The following OTUD7A variants were observed in gnomAD, a reference collection of about 807,000 sequenced individuals.
OTUD7A encodes the protein OTU domain-containing protein 7A.
Under a neutral mutation model 65.7 loss-of-function variants are expected in OTUD7A, and 12 were observed. The ratio of observed to expected loss-of-function variants is 0.18; its 90% confidence interval spans 0.12 to 0.30. The LOEUF is 0.30. OTUD7A is among the 10% of genes least tolerant of loss of function. OTUD7A has a pLI of 1.00. For missense variants in OTUD7A, 1,148 were observed against 1,304.8 expected (o/e 0.88, Z 1.85); for synonymous variants, 641 against 586.3 (o/e 1.09, Z -1.35).
chr15:31,614,250 G>T (rs530899054), intron 3 of OTUD7A, among the ~76,000 whole-genome samples: 42 of 151,952 alleles, frequency 2.8e-4, no homozygotes, highest in African/African-American at 8.0e-4. Flanking sequence ...CACCACTAAA[G>T]AACTTACTCA....
chr15:31,593,479 G>A (rs576897335), intron 3 of OTUD7A, among the ~76,000 whole-genome samples: 1 of 152,234 alleles, frequency 6.6e-6, no homozygotes, highest in South Asian at 2.1e-4. Context: ...CAGGCTCTCC[G>A]TGGCGAAAAC....
At chr15:31,859,246 T>C (rs1897657302) in intron 1 of OTUD7A, among the ~76,000 whole-genome samples, 1 of 152,226 alleles carries the variant, frequency 6.6e-6, no homozygotes, top group Non-Finnish European at 1.5e-5. Flanking sequence ...TGTTTATATT[T>C]TGGTGTACAA....
chr15:31,812,131 G>A (rs1327210425), intron 1 of OTUD7A, among the ~76,000 whole-genome samples: 4 of 152,172 alleles, frequency 2.6e-5, no homozygotes, highest in Admixed American at 6.5e-5. Flanking sequence ...AGTGGACCCC[G>A]GCTTCTGACA....
chr15:31,604,693 T>G (rs916188882), intron 3 of OTUD7A, among the ~76,000 whole-genome samples: 14 of 152,182 alleles, frequency 9.2e-5, no homozygotes, highest in Non-Finnish European at 1.9e-4. Flanking sequence ...TGCATTAAGT[T>G]AGTAACTGGC....
At chr15:31,730,731 T>C (rs1392953194) in intron 1 of OTUD7A, among the ~76,000 whole-genome samples, 1 of 152,200 alleles carries the variant, frequency 6.6e-6, no homozygotes, top group Non-Finnish European at 1.5e-5. Flanking sequence ...TCAGGCTTCC[T>C]ACGACTTCTT....
intron 1 of OTUD7A, among the ~76,000 whole-genome samples, chr15:31,793,480 T>C (rs959422889): frequency 5.3e-5 from 8 of 152,228 alleles, no homozygotes; most frequent in African/African-American, 1.4e-4. Flanking sequence ...TGTTATCTTC[T>C]TCTTAGAAGG....
intron 5 of OTUD7A, among the ~76,000 whole-genome samples, chr15:31,537,060 T>G (rs56289534): frequency 0.057 from 8,671 of 152,240 alleles, 365 homozygotes; most frequent in Middle Eastern, 0.11. Context: ...ATATCTAATT[T>G]TAATAAAAGG....
At chr15:31,582,426 A>G (rs1889399974) in intron 3 of OTUD7A, among the ~76,000 whole-genome samples, 1 of 152,120 alleles carries the variant, frequency 6.6e-6, no homozygotes, top group South Asian at 2.1e-4. Context: ...ACCACTACCA[A>G]TTTATTAGTC....
intron 1 of OTUD7A, among the ~76,000 whole-genome samples, chr15:31,685,340 C>A (rs1892810937): frequency 6.6e-6 from 1 of 152,168 alleles, no homozygotes; most frequent in Non-Finnish European, 1.5e-5. Flanking sequence ...TGTTTCCCAA[C>A]TGACCTTAAA....
chr15:31,697,025 G>C (rs1020440045), intron 1 of OTUD7A, among the ~76,000 whole-genome samples: 1 of 150,604 alleles, frequency 6.6e-6, no homozygotes, highest in Non-Finnish European at 1.5e-5. Context: ...AGAGAAAGAG[G>C]GTGCTGGCTG....
chr15:31,589,057 C>G (rs905722693), intron 3 of OTUD7A, among the ~76,000 whole-genome samples: 1 of 152,294 alleles, frequency 6.6e-6, no homozygotes, highest in African/African-American at 2.4e-5. Flanking sequence ...TCGTAGCCTG[C>G]TTAGGCAGAA....
At chr15:31,541,505 G>A (rs547720049) in intron 5 of OTUD7A, among the ~76,000 whole-genome samples, 15 of 152,282 alleles carry the variant, frequency 9.9e-5, no homozygotes, top group South Asian at 2.1e-4. Flanking sequence ...GTCTCTGGTC[G>A]TTTGAAAAGA....
At chr15:31,737,324 C>A (rs1231148880) in intron 1 of OTUD7A, among the ~76,000 whole-genome samples, 1 of 152,104 alleles carries the variant, frequency 6.6e-6, no homozygotes, top group Non-Finnish European at 1.5e-5. Context: ...GACAACCCCA[C>A]AAAAACTCCA....
chr15:31,743,346 A>T (rs1474443030), intron 1 of OTUD7A, among the ~76,000 whole-genome samples: 1 of 152,200 alleles, frequency 6.6e-6, no homozygotes, highest in Non-Finnish European at 1.5e-5. Context: ...AATAACATGC[A>T]TGTAAATAAC....
intron 3 of OTUD7A, among the ~76,000 whole-genome samples, chr15:31,616,669 C>G (rs184114802): frequency 1.3e-3 from 198 of 152,238 alleles, no homozygotes; most frequent in African/African-American, 4.7e-3. Context: ...CTCAGCCTCC[C>G]GAGTACTGGG....
chr15:31,643,136 T>A (rs1891565471), intron 3 of OTUD7A, among the ~76,000 whole-genome samples: 1 of 110,696 alleles, frequency 9.0e-6, no homozygotes, highest in East Asian at 3.1e-4. Context: ...AGCTCACAGA[T>A]GCTTTAATTT....
At chr15:31,661,100 A>G (rs1892150462) in intron 1 of OTUD7A, among the ~76,000 whole-genome samples, 1 of 152,254 alleles carries the variant, frequency 6.6e-6, no homozygotes, top group South Asian at 2.1e-4. Flanking sequence ...AAATACGTGC[A>G]TAGATGCATG....
intron 8 of OTUD7A, among the ~76,000 whole-genome samples, chr15:31,511,071 A>G (rs1384716055): frequency 1.4e-5 from 1 of 73,490 alleles, no homozygotes; most frequent in Admixed American, 2.0e-4. Context: ...ATACATATAT[A>G]TGTATATCTA....
rs2041041316 is a variant in OTUD7A, at chr15:31,477,512, C to T, written c.*5782G>A. 6.6e-6 allele frequency: 1 copy of T among 152,212 alleles called. No individual in the cohort carries two copies. The highest frequency in any genetic ancestry group is 1.5e-5 in the Non-Finnish European group (1 of 68,052). 9.4% of individuals were successfully genotyped at this position (152,212 alleles called of 1,614,324 possible). A position where few individuals can be genotyped will look rare whatever the true frequency, so the allele number is the denominator to read the frequency against. On this transcript the variant is annotated 3_prime_UTR_variant, in exon 13 of 13. Coordinates refer to ENST00000307050, the MANE Select transcript of OTUD7A (RefSeq NM_001382637.1). ...CATTCACTTGTCTGTGAACAGAAGC[C>T]ACCGCTGCTGCCCGGTGTATCTAAC...
Sources: gnomAD v4.1 joint callset for allele counts (sites outside exome capture counted in the v4.1 genomes callset) on GRCh38, gnomAD v4.1.1 for gene constraint, MANE v1.5 for transcripts, NCBI Gene and HGNC (gene_info 2026-07-23, HGNC 2026-07-21) for gene names.